Variants in ANKRD30BL observed in about 807,000 individuals in gnomAD.
ANKRD30BL encodes ankyrin repeat domain 30B like, also known as putative ankyrin repeat domain-containing protein 30B-like.
ANKRD30BL carries 20 observed loss-of-function variants against 18.4 expected under a neutral mutation model. The ratio of observed to expected loss-of-function variants is 1.09; its 90% confidence interval spans 0.77 to 1.58. The LOEUF is 1.58. ANKRD30BL is among the 40% of genes most tolerant of loss of function. The pLI, the probability that ANKRD30BL is intolerant of heterozygous loss-of-function variation, is 0.00. For missense variants in ANKRD30BL, 224 were observed against 268.6 expected (o/e 0.83, Z 1.16); for synonymous variants, 72 against 100.9 (o/e 0.71, Z 1.72).
intron 1 of ANKRD30BL, among the ~76,000 whole-genome samples, chr2:132,180,239 C>A (rs1406962148): frequency 2.3e-5 from 3 of 128,824 alleles, no homozygotes; most frequent in Admixed American, 1.6e-4. Flanking sequence ...TTTTTTTTTA[C>A]TGCACCTTTT....
upstream of ANKRD30BL, among the ~76,000 whole-genome samples, chr2:132,164,116 T>C (rs973656686): frequency 6.6e-5 from 10 of 152,142 alleles, no homozygotes; most frequent in African/African-American, 2.4e-4. Context: ...TTTGCTTAAC[T>C]GTCTAGTTCC....
At chr2:132,202,886 A>G (rs1365514263) in intron 1 of ANKRD30BL, among the ~76,000 whole-genome samples, 1 of 152,192 alleles carries the variant, frequency 6.6e-6, no homozygotes. Context: ...CTTGAATTGT[A>G]TCTGAATTTC....
At chr2:132,220,438 G>A (rs1444582457) in intron 1 of ANKRD30BL, among the ~76,000 whole-genome samples, 3 of 151,750 alleles carry the variant, frequency 2.0e-5, no homozygotes, top group South Asian at 4.2e-4. Context: ...GTACTGCTGC[G>A]ATCTCGGCTC....
intron 1 of ANKRD30BL, among the ~76,000 whole-genome samples, chr2:132,213,343 T>C (rs2104760277): frequency 6.6e-6 from 1 of 152,158 alleles, no homozygotes. Flanking sequence ...CTCACAAGCT[T>C]CTTTGTGATG....
chr2:132,237,247 C>T (rs1271773859), intron 1 of ANKRD30BL, among the ~76,000 whole-genome samples: 3 of 152,024 alleles, frequency 2.0e-5, no homozygotes, highest in Non-Finnish European at 4.4e-5. Flanking sequence ...GCACAATGTG[C>T]ACATGAACCC....
At chr2:132,248,891 T>A (rs1680574648) in intron 1 of ANKRD30BL, among the ~76,000 whole-genome samples, 1 of 152,154 alleles carries the variant, frequency 6.6e-6, no homozygotes, top group African/African-American at 2.4e-5. Context: ...TTCAACTCTG[T>A]GAGATGAATG....
At chr2:132,165,022 C>G (rs572845743), upstream of ANKRD30BL, among the ~76,000 whole-genome samples, 2 of 151,952 alleles carry the variant, frequency 1.3e-5, no homozygotes, top group Non-Finnish European at 2.9e-5. Flanking sequence ...TGCAGTGAGC[C>G]GAGATCGTGC....
intron 1 of ANKRD30BL, among the ~76,000 whole-genome samples, chr2:132,187,200 T>TGTC (rs1688580861): frequency 6.9e-6 from 1 of 145,964 alleles, no homozygotes; most frequent in African/African-American, 2.5e-5. Flanking sequence ...TTTTTTTTTT[T>TGTC]TTTTTTTTTG....
chr2:132,230,460 G>A (rs1679979067), intron 1 of ANKRD30BL, among the ~76,000 whole-genome samples: 1 of 151,974 alleles, frequency 6.6e-6, no homozygotes, highest in African/African-American at 2.4e-5. Context: ...GGCTATGGTT[G>A]AAAAGGAAAT....
In ANKRD30BL at chr2:132,226,190, A is replaced by T. The variant is rs532798845; in HGVS notation, n.441+31339T>A. 2.0e-3 allele frequency among the ~76,000 whole-genome samples: 310 copies of T among 151,310 alleles called. 1 individual carries two copies. Among genetic ancestry groups the T allele is most frequent in the African/African-American group, 7.1e-3 (292 of 40,976 alleles). ...TGGAAACGGGAATATCTTCTCATAAAAACTAGACAGAAGCATTTTCTGAAA... is the reference window on the plus strand; with the variant it reads ...TGGAAACGGGAATATCTTCTCATAATAACTAGACAGAAGCATTTTCTGAAA... On this transcript the variant is annotated intron_variant and non_coding_transcript_variant, in intron 1 of 4. Coordinates refer to the ANKRD30BL transcript ENST00000470729.
At chr2:132,216,744 G>A (rs112582886) in intron 1 of ANKRD30BL, among the ~76,000 whole-genome samples, 2,058 of 150,976 alleles carry the variant, frequency 0.014, 39 homozygotes, top group African/African-American at 0.048. Context: ...TTGGAATCGG[G>A]TACATCTTCA....
chr2:132,232,262 C>G (rs751760850), intron 1 of ANKRD30BL, among the ~76,000 whole-genome samples: 68 of 152,200 alleles, frequency 4.5e-4, no homozygotes, highest in Non-Finnish European at 9.3e-4. Context: ...ACTGGAAACT[C>G]TAAAATGCAG....
chr2:132,171,083 A>C (rs181865003), intron 1 of ANKRD30BL, among the ~76,000 whole-genome samples: 1 of 149,824 alleles, frequency 6.7e-6, no homozygotes. Flanking sequence ...GTGAACCCGG[A>C]GGCGGAGCCT....
chr2:132,155,328 A>G (rs1687873095), intron 3 of ANKRD30BL: 1 of 152,170 alleles, frequency 6.6e-6, no homozygotes, highest in Non-Finnish European at 1.5e-5. Context: ...AAACATTAAC[A>G]TTTGACAAAT....
At chr2:132,209,709 G>T (rs558452061) in intron 1 of ANKRD30BL, among the ~76,000 whole-genome samples, 3 of 150,694 alleles carry the variant, frequency 2.0e-5, no homozygotes, top group Non-Finnish European at 4.4e-5. Flanking sequence ...ACACAGAAGC[G>T]TTCTGAGAAA....
At chr2:132,236,896 C>T (rs990528403) in intron 1 of ANKRD30BL, among the ~76,000 whole-genome samples, 25 of 151,594 alleles carry the variant, frequency 1.6e-4, no homozygotes, top group African/African-American at 6.1e-4. Context: ...CAATGATAGA[C>T]TGGATTAAGA....
intron 1 of ANKRD30BL, among the ~76,000 whole-genome samples, chr2:132,226,590 G>A (rs113134058): frequency 6.6e-6 from 1 of 151,880 alleles, no homozygotes; most frequent in Non-Finnish European, 1.5e-5. Context: ...ATCTCACAGA[G>A]TTAAACCTTT....
upstream of ANKRD30BL, among the ~76,000 whole-genome samples, chr2:132,164,269 C>CTTTTTTTTTTTTTTTTTT (rs796313755): frequency 5.4e-4 from 61 of 112,182 alleles, 1 homozygote; most frequent in East Asian, 4.4e-3. Flanking sequence ...TTTTCTTTTT[C>CTTTTTTTTTTTTTTTTTT]TTTTTTTTTT....
intron 1 of ANKRD30BL, among the ~76,000 whole-genome samples, chr2:132,179,958 T>C (rs1688434331): frequency 6.6e-6 from 1 of 152,156 alleles, no homozygotes; most frequent in Admixed American, 6.5e-5. Context: ...AGCTAAGAGT[T>C]GTGACAAAGG....
Sources: allele counts gnomAD v4.1 joint callset (sites outside exome capture counted in the v4.1 genomes callset), GRCh38; gene constraint gnomAD v4.1.1; transcripts MANE v1.5; gene names NCBI Gene and HGNC (gene_info 2026-07-23, HGNC 2026-07-21).